Variants in RBBP8 observed in about 807,000 individuals in gnomAD.
RBBP8 encodes RB binding protein 8, endonuclease, also known as DNA endonuclease RBBP8.
RBBP8 carries 88 observed loss-of-function variants against 108.3 expected under a neutral mutation model. The ratio of observed to expected loss-of-function variants is 0.81; its 90% CI spans 0.68 to 0.97. The LOEUF (loss-of-function observed/expected upper bound fraction) is 0.97. Among genes scored for constraint, RBBP8 ranks in the 50% least tolerant of loss-of-function variants. RBBP8 has a pLI of 0.00. For missense variants in RBBP8, 1,023 were observed against 1,049.0 expected (o/e 0.98, Z 0.34); for synonymous variants, 332 against 348.2 (o/e 0.95, Z 0.52).
At position 22,982,400 on chromosome 18, in the gene RBBP8, G is replaced by T. The variant is rs1282545625; in HGVS notation, c.604+7G>T. The T allele has an allele frequency of 1.9e-6, 3 of 1,613,588 alleles. No individual in the cohort carries two copies. The highest frequency in any genetic ancestry group is 2.5e-6 in the Non-Finnish European group (3 of 1,179,924). ...CACTCTGTGTGTGCAAATGGTAAGA[G>T]TTGGAGTTGTATTTTAGTTCTCTGG... On this transcript the variant is annotated splice_region_variant and intron_variant, in intron 7 of 18. Coordinates refer to ENST00000327155, the MANE Select transcript of RBBP8 (RefSeq NM_002894.3).
Position 23,016,827 on chromosome 18 carries a change from G to A in RBBP8, c.2358-1G>A. ...GTTAATTTAATTCATTTTTCCCCCAGAGAGACTAGCTTGCAAAATTTTCCT... is the reference window on the plus strand; with the variant it reads ...GTTAATTTAATTCATTTTTCCCCCAAAGAGACTAGCTTGCAAAATTTTCCT... On this transcript the variant is annotated splice_acceptor_variant, in intron 16 of 18. Coordinates refer to ENST00000327155, the MANE Select transcript of RBBP8 (RefSeq NM_002894.3). LOFTEE classifies it high-confidence loss of function. 6.2e-7 allele frequency: 1 copy of A among 1,607,692 alleles called. No homozygotes were observed. Among genetic ancestry groups the A allele is most frequent in the South Asian group, 1.1e-5 (1 of 90,938 alleles).
In RBBP8 at chr18:22,925,914, G is replaced by C. The variant is rs184775597; in HGVS notation, c.-153-3469G>C. Among the ~76,000 whole-genome samples, 19 of 152,202 alleles carry C rather than the reference G, an allele frequency of 1.2e-4. No individual in the cohort carries two copies. In the East Asian group the frequency reaches 3.1e-3, roughly 25 times the overall value. ...ATAAAATAAACTTTTTTACTCTACA[G>C]TCTTAGTGATCACTCTTAAATTATC... On this transcript the variant is annotated intron_variant, in intron 3 of 4. Coordinates refer to the RBBP8 transcript ENST00000577588.
intron 3 of RBBP8, among the ~76,000 whole-genome samples, chr18:22,927,203 G>T (rs191596303): frequency 6.6e-5 from 10 of 152,292 alleles, no homozygotes; most frequent in African/African-American, 2.4e-4. Flanking sequence ...ATTCACCCCA[G>T]TTTACCAGTA....
chr18:23,000,469 C>T (rs566286370), intron 14 of RBBP8, among the ~76,000 whole-genome samples: 4 of 152,264 alleles, frequency 2.6e-5, no homozygotes, highest in African/African-American at 9.6e-5. Context: ...AGGTCGAGCA[C>T]AGTGACTCGC....
intron 8 of RBBP8, among the ~76,000 whole-genome samples, chr18:22,987,763 C>A (rs7407951): frequency 0.99 from 150,785 of 152,312 alleles, 74,657 homozygotes; most frequent in East Asian, 1. Context: ...TTCACTTTCT[C>A]TCTCTTCCTG....
intron 16 of RBBP8, among the ~76,000 whole-genome samples, chr18:23,011,232 G>A (rs1324147311): frequency 6.6e-6 from 1 of 152,038 alleles, no homozygotes; most frequent in Non-Finnish European, 1.5e-5. Flanking sequence ...TCTGTTTCAT[G>A]GTGCTTTATT....
At chr18:23,023,592 C>T (rs957527145) in intron 18 of RBBP8, among the ~76,000 whole-genome samples, 1 of 152,142 alleles carries the variant, frequency 6.6e-6, no homozygotes, top group Non-Finnish European at 1.5e-5. Flanking sequence ...GTCTTCATGT[C>T]ATTTAACTGT....
intron 17 of RBBP8, among the ~76,000 whole-genome samples, chr18:23,021,810 G>A (rs1731972999): frequency 6.7e-6 from 1 of 148,588 alleles, no homozygotes; most frequent in Non-Finnish European, 1.5e-5. Context: ...ACACTGTCAA[G>A]ATCAGCTGGC....
intron 4 of RBBP8, among the ~76,000 whole-genome samples, chr18:22,964,426 T>C (rs1026141795): frequency 6.6e-6 from 1 of 150,798 alleles, no homozygotes; most frequent in African/African-American, 2.4e-5. Context: ...ATGTTCTTGA[T>C]TTTCTTCACT....
At chr18:23,025,153 G>A (rs1440156653) in intron 18 of RBBP8, among the ~76,000 whole-genome samples, 38 of 152,230 alleles carry the variant, frequency 2.5e-4, no homozygotes, top group Non-Finnish European at 1.5e-5. Flanking sequence ...AACTCAGGAG[G>A]CTGAGATGGG....
intron 2 of RBBP8, among the ~76,000 whole-genome samples, chr18:22,941,450 G>A (rs558210859): frequency 6.6e-6 from 1 of 152,190 alleles, no homozygotes; most frequent in South Asian, 2.1e-4. Context: ...AGGATTACAG[G>A]CAGGAGCCAC....
chr18:22,993,530 C>G lies in RBBP8; in HGVS notation c.1703C>G (p.Ser568Cys), dbSNP rs752427343. ...ATCCTTCAGCCCTTGAATAAATGCT[C>G]TCCAGACAATAAACCATCATTACAA... ...CIILQPLNKC[S>C]PDNKPSLQIK... Residue 568 changes from serine (S) to cysteine (C), a missense_variant, in exon 11 of 19, where the codon TCT (serine) becomes TGT (cysteine). By Grantham distance (112) the Ser-to-Cys change is moderately radical. Coordinates refer to ENST00000327155, the MANE Select transcript of RBBP8 (RefSeq NM_002894.3). The G allele has an allele frequency of 1.9e-6, 3 of 1,613,412 alleles. No homozygotes were observed. The highest frequency in any genetic ancestry group is 2.5e-6 in the Non-Finnish European group (3 of 1,179,830).
intron 4 of RBBP8, among the ~76,000 whole-genome samples, chr18:22,963,080 C>T (rs1913247791): frequency 1.3e-5 from 2 of 152,038 alleles, no homozygotes; most frequent in Admixed American, 1.3e-4. Flanking sequence ...GATCAACAAA[C>T]ATAATTAAGT....
intron 16 of RBBP8, among the ~76,000 whole-genome samples, chr18:23,006,993 GTGCGTGTGCA>G (rs2046061923): frequency 1.3e-5 from 2 of 150,680 alleles, no homozygotes; most frequent in South Asian, 2.1e-4. Context: ...TTTTGTGTGT[GTGCGTGTGCA>G]TGTGTGTGTG....
intron 3 of RBBP8, among the ~76,000 whole-genome samples, chr18:22,925,020 G>C (rs185651236): frequency 6.6e-6 from 1 of 151,944 alleles, no homozygotes; most frequent in East Asian, 1.9e-4. Flanking sequence ...AGTAGCTGAG[G>C]CTACACACAA....
intron 1 of RBBP8, chr18:22,934,041 C>T (rs1482567309): frequency 6.5e-6 from 1 of 152,740 alleles, no homozygotes; most frequent in Non-Finnish European, 1.5e-5. Flanking sequence ...TCGCCTTACC[C>T]GTGTGAGAAT....
At chr18:23,009,105 T>G (rs1489520389) in intron 16 of RBBP8, among the ~76,000 whole-genome samples, 2 of 152,146 alleles carry the variant, frequency 1.3e-5, no homozygotes, top group African/African-American at 2.4e-5. Context: ...TAAACTATAC[T>G]TCATACTGAT....
chr18:22,977,151 ACTT>A (rs1026036285), intron 6 of RBBP8, among the ~76,000 whole-genome samples: 1 of 151,990 alleles, frequency 6.6e-6, no homozygotes, highest in African/African-American at 2.4e-5. Context: ...TCATGAACCA[ACTT>A]CTTCTGTAGC....
chr18:23,013,157 T>C (rs537163889), intron 16 of RBBP8, among the ~76,000 whole-genome samples: 1 of 152,322 alleles, frequency 6.6e-6, no homozygotes, highest in African/African-American at 2.4e-5. Flanking sequence ...TAGAGCTGAT[T>C]CACTGAGACA....
Sources: allele counts gnomAD v4.1 joint callset (sites outside exome capture counted in the v4.1 genomes callset), GRCh38; gene constraint gnomAD v4.1.1; transcripts MANE v1.5; gene names NCBI Gene and HGNC (gene_info 2026-07-23, HGNC 2026-07-21).